GUSB: variants seen among roughly 807,000 people sequenced by gnomAD.
GUSB encodes glucuronidase beta.
GUSB carries 51 observed loss-of-function variants against 74.6 expected under a neutral mutation model. The ratio of observed to expected loss-of-function variants is 0.68; its 90% CI spans 0.55 to 0.86. The LOEUF (loss-of-function observed/expected upper bound fraction) is 0.86. Ranked by LOEUF, GUSB falls within the 40% of genes least tolerant of loss-of-function variation. The pLI is 0.00. For missense variants in GUSB, 736 were observed against 853.7 expected, an observed-to-expected ratio of 0.86 and a Z score of 1.72; for synonymous variants, 360 against 348.3, an observed-to-expected ratio of 1.03 and a Z score of -0.37.
rs1167563693 is a variant in GUSB, at chr7:65,982,085, G to T, written c.99C>A (p.Ser33Arg). ...LQGGMLYPQE[S>R]PSRECKELDG... ...CCAGCTCCTTGCACTCCCGCGACGG[G>T]CTCTCCTGGGGGTACAGCATCCCGC... Residue 33 changes from serine to arginine, a missense_variant, in exon 1 of 12, where the codon AGC (serine) becomes AGA (arginine). Transcript: ENST00000304895. 2 of 1,605,972 alleles carry T rather than the reference G, an allele frequency of 1.2e-6. No homozygotes were observed. Among genetic ancestry groups the T allele is most frequent in the African/African-American group, 1.3e-5 (1 of 74,320 alleles).
chr7:65,980,495 G>C (rs1791935267), intron 1 of GUSB, 86 bp from the exon 2 acceptor site: 2 of 1,228,600 alleles, frequency 1.6e-6, no homozygotes, highest in Admixed American at 3.9e-5. Flanking sequence ...CCCAGGCCTA[G>C]CACAAGCCCT....
At chr7:65,971,912 G>A (rs1791237559) in intron 8 of GUSB, among the ~76,000 whole-genome samples, 1 of 151,660 alleles carries the variant, frequency 6.6e-6, no homozygotes, top group African/African-American at 2.4e-5. Flanking sequence ...GGTGGCGCAT[G>A]CCTGTAATCC....
rs796144961 is a variant in GUSB at position 65,973,932 on chromosome 7, G to GA, written c.1391+362dup. Among the ~76,000 whole-genome samples, 847 of 137,788 alleles carry GA rather than the reference G, an allele frequency of 6.1e-3. 7 individuals are homozygous for GA. The highest frequency in any genetic ancestry group is 8.0e-3 in the African/African-American group (300 of 37,508). 90.4% of individuals were successfully genotyped at this position (137,788 alleles called of 152,430 possible). On this transcript the variant is annotated intron_variant, in intron 8 of 11. Coordinates refer to ENST00000304895, the MANE Select transcript of GUSB (RefSeq NM_000181.4). ...GGCAACCAGAGTGAGAACCCATTTT[G>GA]AAAAAAAAAAACAGCCCCAGCACAG...
chr7:65,971,220 G>A (rs1791183779), intron 8 of GUSB, among the ~76,000 whole-genome samples: 1 of 152,216 alleles, frequency 6.6e-6, no homozygotes, highest in African/African-American at 2.4e-5. Flanking sequence ...CAGGCTGGGA[G>A]GCAGGCATGG....
In GUSB at chr7:65,970,191, G is replaced by C. The variant is rs186355761; in HGVS notation, c.1476+91C>G. On this transcript the variant is annotated intron_variant, in intron 9 of 11. Transcript: ENST00000304895. ...ATGAAATAAAACCCAGACTGGCAGCGCATGGTTCTTCCTGGCTGTTCCCAT... is the reference window on the plus strand; with the variant it reads ...ATGAAATAAAACCCAGACTGGCAGCCCATGGTTCTTCCTGGCTGTTCCCAT... 3.8e-6 allele frequency: 3 copies of C among 796,134 alleles called. No homozygotes were observed. In the East Asian group the frequency reaches 7.3e-5, roughly 19 times the overall value. 49.3% of individuals were successfully genotyped at this position (796,134 alleles called of 1,614,324 possible). A position where few individuals can be genotyped will look rare whatever the true frequency, so the allele number is the denominator to read the frequency against.
rs758048423 is a variant in GUSB at position 65,978,466 on chromosome 7, C to CA, written c.724+932dup. ...CCATCTCAAAAACAAAAAACAAAAA[C>CA]AAAAAAAACAGGGTATCCCAGCTGG... On this transcript the variant is annotated intron_variant, in intron 4 of 11. Coordinates refer to ENST00000304895, the MANE Select transcript of GUSB (RefSeq NM_000181.4). 3.8e-3 allele frequency among the ~76,000 whole-genome samples: 545 copies of CA among 144,574 alleles called. 4 individuals are homozygous for CA. Among genetic ancestry groups the CA allele is most frequent in the African/African-American group, 0.013 (519 of 39,320 alleles). The allele number at this position is 144,574 out of a possible 152,430, so 94.8% of individuals were successfully genotyped here.
intron 11 of GUSB, among the ~76,000 whole-genome samples, chr7:65,962,501 T>C (rs1790562966): frequency 6.6e-6 from 1 of 152,304 alleles, no homozygotes; most frequent in South Asian, 2.1e-4. Flanking sequence ...GGAGGTGGCA[T>C]TATCCCCACT....
At position 65,979,897 on chromosome 7, in the gene GUSB, G is replaced by A. The variant is rs141441283; in HGVS notation, c.411C>T (p.Val137=). The A allele has an allele frequency of 1.1e-5, 17 of 1,601,568 alleles. No individual in the cohort carries two copies. The highest frequency in any genetic ancestry group is 6.7e-5 in the East Asian group (3 of 44,496). The change falls in exon 3 of 12, where the codon GTC becomes GTT. Residue 137 remains valine (V), a synonymous_variant. Coordinates refer to ENST00000304895, the MANE Select transcript of GUSB (RefSeq NM_000181.4). ...HSYAIVWVNG[V]DTLEHEGGYL... ...AGCCCCCCTCATGCTCTAGCGTGTC[G>A]ACCCCATTCACCCACTGCAGACACA...
In GUSB at chr7:65,970,284, C is replaced by G; in HGVS notation, c.1474G>C (p.Gly492Arg). ...GGGGTGGGGACCCCCAGGCTCACCC[C>G]CTTGTCTGCTGCATAGTTAGAGTTG... The part of the protein sequence containing the change: ...VSNSNYAADK[G>R]APYVDVICLN... The change falls in exon 9 of 12, where the codon GGG becomes CGG. Residue 492 changes from glycine (G) to arginine (R), a missense_variant and splice_region_variant. Gly to Arg is a moderately radical substitution (Grantham distance 125). This residue lies in a region of GUSB where 368 missense variants were observed against 489.9 expected (regional missense o/e 0.75). Transcript: ENST00000304895. 1 of 1,607,946 alleles carries G rather than the reference C, an allele frequency of 6.2e-7. No individual in the cohort carries two copies. The highest frequency in any genetic ancestry group is 2.2e-5 in the East Asian group (1 of 44,836).
chr7:65,975,491 TCTC>T (rs1392170858), intron 5 of GUSB: 1 of 259,246 alleles, frequency 3.9e-6, no homozygotes, highest in African/African-American at 2.3e-5. Context: ...TTCAAGCAAT[TCTC>T]CTGCCTCAGC....
intron 9 of GUSB, among the ~76,000 whole-genome samples, chr7:65,969,251 A>T (rs929702010): frequency 6.6e-6 from 1 of 151,974 alleles, no homozygotes; most frequent in Non-Finnish European, 1.5e-5. Flanking sequence ...GTGTGGTGGC[A>T]TGCACCTGTA....
intron 8 of GUSB, among the ~76,000 whole-genome samples, chr7:65,971,932 GGGA>G (rs1208988249): frequency 1.3e-5 from 2 of 150,724 alleles, no homozygotes; most frequent in African/African-American, 4.9e-5. Flanking sequence ...CCAGCTACTC[GGGA>G]GGCTGAGGCG....
At chr7:65,963,604 G>T (rs1010232560) in intron 11 of GUSB, among the ~76,000 whole-genome samples, 2 of 152,164 alleles carry the variant, frequency 1.3e-5, no homozygotes, top group Middle Eastern at 3.4e-3. Flanking sequence ...CTTGTGCAGT[G>T]GTGCAATCAT....
Position 65,967,796 on chromosome 7 carries a change from T to C in GUSB, c.1588A>G (p.Lys530Glu). The change falls in exon 10 of 12, where the codon AAG becomes GAG. Residue 530 changes from lysine (K) to glutamate (E), a missense_variant. By Grantham distance (56) the Lys-to-Glu change is moderately conservative. Transcript: ENST00000304895. ...TGAATAATGGGCTTCTGATACTTCT[T>C]ATACCAGTTCTCAAACTGGGTGGCC... ...QLATQFENWY[K>E]KYQKPIIQSE... The C allele has an allele frequency of 6.2e-7, 1 of 1,613,006 alleles. No individual in the cohort carries two copies. Among genetic ancestry groups the C allele is most frequent in the Non-Finnish European group, 8.5e-7 (1 of 1,179,668 alleles).
intron 8 of GUSB, among the ~76,000 whole-genome samples, chr7:65,970,999 A>G (rs1481002699): frequency 6.6e-6 from 1 of 151,942 alleles, no homozygotes; most frequent in Non-Finnish European, 1.5e-5. Flanking sequence ...CTAGTCCTAG[A>G]CCGAGCTCTC....
chr7:65,971,030 C>A (rs1224959440), intron 8 of GUSB, among the ~76,000 whole-genome samples: 1 of 152,176 alleles, frequency 6.6e-6, no homozygotes. Flanking sequence ...CCTTCTACCC[C>A]CATCTCCGAA....
chr7:65,973,028 C>T (rs1431693936), intron 8 of GUSB, among the ~76,000 whole-genome samples: 1 of 152,146 alleles, frequency 6.6e-6, no homozygotes, highest in African/African-American at 2.4e-5. Flanking sequence ...TAGAACTGCA[C>T]GATTGTAAGG....
intron 1 of GUSB, among the ~76,000 whole-genome samples, chr7:65,981,304 C>G (rs1035904279): frequency 4.1e-5 from 6 of 146,450 alleles, no homozygotes; most frequent in African/African-American, 1.5e-4. Flanking sequence ...CTGATCTCAG[C>G]TCACTGCAAC....
At position 65,974,454 on chromosome 7, in the gene GUSB, A is replaced by T. The variant is rs757884167; in HGVS notation, c.1245-13T>A. ...GTTGAAGAACTGCCTGCGGGCCAGGAGGGAAGGGACAGAGGGTCACGGTGA... is the reference window on the plus strand; with the variant it reads ...GTTGAAGAACTGCCTGCGGGCCAGGTGGGAAGGGACAGAGGGTCACGGTGA... On this transcript the variant is annotated splice_polypyrimidine_tract_variant and intron_variant, in intron 7 of 11. Coordinates refer to ENST00000304895, the MANE Select transcript of GUSB (RefSeq NM_000181.4). 5 of 1,614,150 alleles carry T rather than the reference A, an allele frequency of 3.1e-6. No individual in the cohort carries two copies. The South Asian group carries it at 5.5e-5, about 18-fold the overall frequency.
Sources: gnomAD v4.1 joint callset for allele counts (sites outside exome capture counted in the v4.1 genomes callset) on GRCh38, gnomAD v4.1.1 for gene constraint, gnomAD v4.1.1 regional missense constraint, MANE v1.5 for transcripts, NCBI Gene and HGNC (gene_info 2026-07-23, HGNC 2026-07-21) for gene names.